The following SLC35F1 variants were observed in gnomAD, a reference collection of about 807,000 sequenced individuals.
SLC35F1 encodes solute carrier family 35 member F1, also known as chromosome 6 open reading frame 169.
In SLC35F1, 14 loss-of-function variants were observed where a neutral mutation model predicts 48.7. The ratio of observed to expected loss-of-function variants is 0.29; its 90% CI spans 0.19 to 0.45. SLC35F1 has a LOEUF of 0.45. SLC35F1 is among the 20% of genes least tolerant of loss of function. The pLI is 1.00. For synonymous variants in SLC35F1, 190 were observed against 202.2 expected, an observed-to-expected ratio of 0.94 and a Z score of 0.51; for missense variants, 404 against 500.0, an observed-to-expected ratio of 0.81 and a Z score of 1.83.
At chr6:118,212,704 A>AGAAGGAAAGGAAGGAAG (rs1562326973) in intron 2 of SLC35F1, among the ~76,000 whole-genome samples, 37 of 143,504 alleles carry the variant, frequency 2.6e-4, no homozygotes, top group African/African-American at 8.1e-4. Flanking sequence ...AAAGAAGGAA[A>AGAAGGAAAGGAAGGAAG]GAAGGAAAGG....
At chr6:118,299,877 G>A (rs1478513164) in intron 7 of SLC35F1, among the ~76,000 whole-genome samples, 1 of 152,168 alleles carries the variant, frequency 6.6e-6, no homozygotes, top group Non-Finnish European at 1.5e-5. Context: ...CAGTTACACA[G>A]CCTCGTGCAA....
rs189554246 is a variant in SLC35F1, at chr6:118,019,945, A to G, written c.173+112046A>G. On this transcript the variant is annotated intron_variant, in intron 1 of 7. Transcript: ENST00000360388. Reference sequence around the variant, plus strand: ...TCATCCACTTTAACTCCTCTATTTCAGATTGAACCCCTTGGTCAATGCTAG... The same window carrying G: ...TCATCCACTTTAACTCCTCTATTTCGGATTGAACCCCTTGGTCAATGCTAG... Among the ~76,000 whole-genome samples the G allele has an allele frequency of 1.3e-3, 191 of 152,316 alleles. 2 individuals carry two copies. Among genetic ancestry groups the G allele is most frequent in the Middle Eastern group, 0.01 (3 of 294 alleles).
chr6:117,935,356 A>T (rs1343658866), intron 1 of SLC35F1, among the ~76,000 whole-genome samples: 1 of 152,242 alleles, frequency 6.6e-6, no homozygotes, highest in African/African-American at 2.4e-5. Context: ...GAATTCATGA[A>T]TATAGAATCA....
At chr6:117,971,029 C>T (rs1372336373) in intron 1 of SLC35F1, among the ~76,000 whole-genome samples, 2 of 152,116 alleles carry the variant, frequency 1.3e-5, no homozygotes, top group Admixed American at 1.3e-4. Flanking sequence ...TCCAAAAGTC[C>T]AATTCCAAAA....
chr6:118,228,008 A>G (rs190131852), intron 2 of SLC35F1, among the ~76,000 whole-genome samples: 150 of 152,296 alleles, frequency 9.8e-4, no homozygotes, highest in African/African-American at 3.5e-3. Context: ...GTTCAGAGCC[A>G]CTAACCCAAT....
intron 1 of SLC35F1, among the ~76,000 whole-genome samples, chr6:117,992,926 A>G (rs541180884): frequency 2.0e-5 from 3 of 152,366 alleles, no homozygotes; most frequent in South Asian, 4.1e-4. Flanking sequence ...TTTCTGGTCA[A>G]ATCACACCAT....
chr6:118,158,646 A>G (rs1774179859), intron 2 of SLC35F1, among the ~76,000 whole-genome samples: 2 of 152,248 alleles, frequency 1.3e-5, no homozygotes, highest in African/African-American at 4.8e-5. Flanking sequence ...TGAGGTTATT[A>G]TGAAAGCCTT....
chr6:118,096,265 G>A (rs752223082), intron 1 of SLC35F1, among the ~76,000 whole-genome samples: 1 of 152,142 alleles, frequency 6.6e-6, no homozygotes, highest in Non-Finnish European at 1.5e-5. Flanking sequence ...ATATATTTAG[G>A]TAAGCCTTGG....
At chr6:118,266,574 A>G (rs1336996564) in intron 3 of SLC35F1, among the ~76,000 whole-genome samples, 1 of 152,162 alleles carries the variant, frequency 6.6e-6, no homozygotes, top group Non-Finnish European at 1.5e-5. Context: ...AGACCTCTGC[A>G]CCCTCATCTC....
At chr6:118,016,394 T>A (rs1371366508) in intron 1 of SLC35F1, among the ~76,000 whole-genome samples, 1 of 152,196 alleles carries the variant, frequency 6.6e-6, no homozygotes, top group East Asian at 1.9e-4. Flanking sequence ...ATCCCCCATG[T>A]AACATTGTTT....
chr6:118,290,855 T>G (rs1874082), intron 7 of SLC35F1, among the ~76,000 whole-genome samples: 52 of 150,758 alleles, frequency 3.4e-4, no homozygotes, highest in Non-Finnish European at 7.1e-4. Flanking sequence ...AGTACAGTGG[T>G]GCGATCTCGG....
intron 1 of SLC35F1, among the ~76,000 whole-genome samples, chr6:117,958,212 A>AT (rs748655248): frequency 7.9e-5 from 12 of 152,196 alleles, no homozygotes; most frequent in Non-Finnish European, 1.6e-4. Context: ...AAATACAAAT[A>AT]TTTTTGCATA....
At chr6:118,231,569 C>A (rs755611902) in intron 2 of SLC35F1, among the ~76,000 whole-genome samples, 1 of 152,188 alleles carries the variant, frequency 6.6e-6, no homozygotes, top group Non-Finnish European at 1.5e-5. Flanking sequence ...CTCTTGCCCT[C>A]CTGAATAATT....
chr6:117,938,381 C>G (rs903674810), intron 1 of SLC35F1, among the ~76,000 whole-genome samples: 1 of 152,234 alleles, frequency 6.6e-6, no homozygotes, highest in Non-Finnish European at 1.5e-5. Flanking sequence ...ACTAAACTCA[C>G]TATTCGAAAC....
chr6:118,291,242 TACACACAC>T (rs10603708), intron 7 of SLC35F1, among the ~76,000 whole-genome samples: 11,688 of 148,652 alleles, frequency 0.079, 514 homozygotes, highest in Middle Eastern at 0.15. Context: ...GTATCATGTA[TACACACAC>T]ACACACACAC....
At chr6:118,136,131 C>T (rs575895753) in intron 1 of SLC35F1, among the ~76,000 whole-genome samples, 31 of 152,324 alleles carry the variant, frequency 2.0e-4, no homozygotes, top group African/African-American at 6.7e-4. Flanking sequence ...GGTACCTCCT[C>T]CCATCCCCAC....
chr6:118,009,789 T>C (rs182000354), intron 1 of SLC35F1, among the ~76,000 whole-genome samples: 10 of 152,328 alleles, frequency 6.6e-5, no homozygotes, highest in Non-Finnish European at 1.0e-4. Context: ...ATTCTCATTT[T>C]CTTAAAAGAT....
intron 1 of SLC35F1, among the ~76,000 whole-genome samples, chr6:118,018,527 T>C (rs71570879): frequency 6.7e-6 from 1 of 148,602 alleles, no homozygotes; most frequent in African/African-American, 2.4e-5. Flanking sequence ...TTTGTTATTG[T>C]TATTATTATT....
At chr6:118,295,647 C>T (rs1450924638) in intron 7 of SLC35F1, among the ~76,000 whole-genome samples, 1 of 152,166 alleles carries the variant, frequency 6.6e-6, no homozygotes. Context: ...AAAAGCAATA[C>T]TTCACTTCTT....
Sources: allele counts gnomAD v4.1 joint callset (sites outside exome capture counted in the v4.1 genomes callset), GRCh38; gene constraint gnomAD v4.1.1; transcripts MANE v1.5; gene names NCBI Gene and HGNC (gene_info 2026-07-23, HGNC 2026-07-21).